Variants in GOLGA4 observed in about 807,000 individuals in gnomAD.
GOLGA4 encodes the protein golgin A4.
A neutral mutation model predicts 265.9 loss-of-function variants in GOLGA4; 169 were observed. That is an observed-to-expected ratio of 0.64 (90% CI 0.56 to 0.72). The LOEUF is 0.72. Ranked by LOEUF, GOLGA4 falls within the 30% of genes least tolerant of loss-of-function variation. The pLI is 0.00. For missense variants in GOLGA4, 2,482 were observed against 2,483.4 expected (o/e 1.00, Z 0.01); for synonymous variants, 923 against 855.8 (o/e 1.08, Z -1.37).
chr3:37,306,009 A>T (rs1173688948), intron 10 of GOLGA4, among the ~76,000 whole-genome samples: 1 of 152,180 alleles, frequency 6.6e-6, no homozygotes, highest in African/African-American at 2.4e-5. Flanking sequence ...AATGTCTTTG[A>T]TTTTAAACAG....
chr3:37,276,557 G>T, intron 2 of GOLGA4: 1 of 1,597,246 alleles, frequency 6.3e-7, no homozygotes, highest in Non-Finnish European at 8.6e-7. Flanking sequence ...GACAACATTT[G>T]TTGTCTGTAA....
chr3:37,318,947 G>A, intron 11 of GOLGA4, 116 bp from the exon 12 acceptor site: 1 of 671,082 alleles, frequency 1.5e-6, no homozygotes, highest in South Asian at 2.9e-5. Flanking sequence ...TTAGGAATGT[G>A]ATTTTTTCTT....
At chr3:37,275,670 C>T (rs2096815153) in intron 2 of GOLGA4, 12 of 1,611,252 alleles carry the variant, frequency 7.4e-6, no homozygotes, top group East Asian at 2.2e-5. Flanking sequence ...GCGGGGTGGG[C>T]GCGGAGAAGA....
chr3:37,303,827 G>A (rs2150879384), intron 10 of GOLGA4, among the ~76,000 whole-genome samples: 1 of 152,274 alleles, frequency 6.6e-6, no homozygotes, highest in South Asian at 2.1e-4. Flanking sequence ...ACTACTGCTA[G>A]CCATTACTTA....
intron 22 of GOLGA4, 42 bp downstream of exon 22, chr3:37,355,229 A>T (rs1388910216): frequency 2.0e-6 from 2 of 979,550 alleles, no homozygotes; most frequent in African/African-American, 3.2e-5. Context: ...ATGATTTCCC[A>T]TCTGTTTATA....
chr3:37,323,675 G>GA lies in GOLGA4; in HGVS notation c.1796dup (p.Asn599LysfsTer2). On this transcript the variant is annotated frameshift_variant, in exon 14 of 24. Coordinates refer to ENST00000361924, the MANE Select transcript of GOLGA4 (RefSeq NM_002078.5). LOFTEE classifies it high-confidence loss of function. ...AGATTTGGCTGTTCATCTGGAAGCTGAAAAAAATAAGCACAATAAGGAGAT... is the reference window on the plus strand; with the variant it reads ...AGATTTGGCTGTTCATCTGGAAGCTGAAAAAAAATAAGCACAATAAGGAGAT... The GA allele has an allele frequency of 6.2e-7, 1 of 1,604,454 alleles. No homozygotes were observed. Among genetic ancestry groups the GA allele is most frequent in the South Asian group, 1.1e-5 (1 of 87,652 alleles).
chr3:37,251,107 T>G (rs759334433), intron 1 of GOLGA4, among the ~76,000 whole-genome samples: 22 of 152,196 alleles, frequency 1.4e-4, no homozygotes, highest in Non-Finnish European at 2.8e-4. Flanking sequence ...ATTATCATCT[T>G]ACACTAGTAT....
At chr3:37,256,476 A>G (rs1033197439) in intron 2 of GOLGA4, among the ~76,000 whole-genome samples, 3 of 152,110 alleles carry the variant, frequency 2.0e-5, no homozygotes, top group Non-Finnish European at 1.5e-5. Flanking sequence ...ATCTCAAAAA[A>G]AAAAAGGGAC....
At chr3:37,337,081 G>A in intron 17 of GOLGA4, 62 bp from the exon 18 acceptor site, 1 of 1,032,570 alleles carries the variant, frequency 9.7e-7, no homozygotes, top group East Asian at 2.4e-5. Flanking sequence ...ATATTGCTTT[G>A]TTTTACTGTT....
intron 11 of GOLGA4, among the ~76,000 whole-genome samples, chr3:37,318,137 A>T (rs2096943176): frequency 6.6e-6 from 1 of 152,050 alleles, no homozygotes; most frequent in Non-Finnish European, 1.5e-5. Flanking sequence ...ATTCAACTTA[A>T]ATTTTTCCCA....
At chr3:37,304,425 G>A (rs558380283) in intron 10 of GOLGA4, among the ~76,000 whole-genome samples, 13 of 152,312 alleles carry the variant, frequency 8.5e-5, no homozygotes, top group African/African-American at 2.9e-4. Context: ...TTTAGAGAGA[G>A]TAGATGGCAT....
rs56121700 is a variant in GOLGA4 at position 37,288,854 on chromosome 3, G to A, written c.526-381G>A. 7.1e-3 allele frequency among the ~76,000 whole-genome samples: 1,085 copies of A among 152,254 alleles called. 15 individuals are homozygous for A. The highest frequency in any genetic ancestry group is 0.024 in the African/African-American group (1,017 of 41,534). On this transcript the variant is annotated intron_variant, in intron 4 of 23. Coordinates refer to ENST00000361924, the MANE Select transcript of GOLGA4 (RefSeq NM_002078.5). ...CCTTTAGAACAGGCTGTTAATTGAT[G>A]TGTTCCACACATTATAAGTTTCAAT...
chr3:37,256,095 G>A (rs180675569), intron 2 of GOLGA4, among the ~76,000 whole-genome samples: 43 of 152,252 alleles, frequency 2.8e-4, no homozygotes, highest in African/African-American at 1.0e-3. Context: ...ATCCCCTCCA[G>A]TATGTGTATC....
At chr3:37,331,101 C>T (rs928612235) in intron 16 of GOLGA4, among the ~76,000 whole-genome samples, 1 of 150,110 alleles carries the variant, frequency 6.7e-6, no homozygotes, top group Admixed American at 6.6e-5. Flanking sequence ...CTAGTAGCCA[C>T]ATTTAAAAAA....
chr3:37,270,010 C>T (rs1578424795), intron 2 of GOLGA4, among the ~76,000 whole-genome samples: 1 of 149,642 alleles, frequency 6.7e-6, no homozygotes, highest in African/African-American at 2.5e-5. Flanking sequence ...TCTCCTGCCT[C>T]AGGCTCCCAA....
chr3:37,344,394 G>A (rs2097049282), intron 20 of GOLGA4, among the ~76,000 whole-genome samples: 1 of 152,132 alleles, frequency 6.6e-6, no homozygotes, highest in African/African-American at 2.4e-5. Context: ...GAGCCACTGT[G>A]CCTGGCCAGT....
In GOLGA4 at chr3:37,243,697, G is replaced by C. The variant is rs2271547; in HGVS notation, c.72+75G>C. On this transcript the variant is annotated intron_variant, in intron 1 of 23. Transcript: ENST00000361924. ...GGCCCGCGGACGAAAGAGGCGGGGG[G>C]AGTGGGGAAGTTCTTCCGTGACCTT... 1.3e-3 allele frequency: 1,629 copies of C among 1,240,530 alleles called. 22 individuals carry two copies. In the East Asian group the frequency reaches 0.028, roughly 22 times the overall value. The allele number at this position is 1,240,530 out of a possible 1,614,324, so 76.8% of individuals were successfully genotyped here.
chr3:37,249,386 C>T (rs2096727894), intron 1 of GOLGA4, among the ~76,000 whole-genome samples: 1 of 152,026 alleles, frequency 6.6e-6, no homozygotes, highest in South Asian at 2.1e-4. Flanking sequence ...AAGGCTTCAA[C>T]TTTATTTCAC....
chr3:37,329,190 C>G, intron 16 of GOLGA4, 97 bp downstream of exon 16: 1 of 1,006,246 alleles, frequency 9.9e-7, no homozygotes, highest in Non-Finnish European at 1.4e-6. Context: ...GTTTTTTGAA[C>G]GAAAAGGGTT....
Sources: gnomAD v4.1 joint callset for allele counts (sites outside exome capture counted in the v4.1 genomes callset) on GRCh38, gnomAD v4.1.1 for gene constraint, MANE v1.5 for transcripts, NCBI Gene and HGNC (gene_info 2026-07-23, HGNC 2026-07-21) for gene names.